The following SNX29 variants were observed in gnomAD, a reference collection of about 807,000 sequenced individuals.
The protein encoded by SNX29 is sorting nexin-29.
Under a neutral mutation model 102.1 loss-of-function variants are expected in SNX29, and 78 were observed. The observed-to-expected ratio is 0.76, with a 90% CI of 0.64 to 0.92. The LOEUF is 0.92. Ranked by LOEUF, SNX29 falls within the 40% of genes least tolerant of loss-of-function variation. The pLI is 0.00. For synonymous variants in SNX29, 580 were observed against 414.5 expected (o/e 1.40, Z -4.85); for missense variants, 1,280 against 1,061.7 (o/e 1.21, Z -2.86).
chr16:12,519,116 C>T (rs959040903), intron 19 of SNX29, among the ~76,000 whole-genome samples: 1 of 152,098 alleles, frequency 6.6e-6, no homozygotes, highest in Non-Finnish European at 1.5e-5. Context: ...GGCAGGGCTG[C>T]TCATTATTTA....
At chr16:12,391,244 C>A (rs978821414) in intron 16 of SNX29, among the ~76,000 whole-genome samples, 3 of 152,198 alleles carry the variant, frequency 2.0e-5, no homozygotes, top group Non-Finnish European at 4.4e-5. Context: ...CCATGCCCAG[C>A]CTTACAAATT....
chr16:12,296,005 A>G (rs1226235256), intron 15 of SNX29, among the ~76,000 whole-genome samples: 2 of 152,256 alleles, frequency 1.3e-5, no homozygotes, highest in South Asian at 2.1e-4. Flanking sequence ...AGTTCCTACT[A>G]TGTAATATGT....
intron 13 of SNX29, among the ~76,000 whole-genome samples, chr16:12,155,824 C>G (rs1186714873): frequency 1.3e-5 from 2 of 152,184 alleles, no homozygotes; most frequent in African/African-American, 4.8e-5. Context: ...GTTCCAGTGA[C>G]ACTGCTGCAA....
intron 4 of SNX29, among the ~76,000 whole-genome samples, chr16:12,035,672 T>C (rs1478859345): frequency 2.0e-5 from 3 of 152,198 alleles, no homozygotes; most frequent in Admixed American, 2.0e-4. Context: ...GCTGATACCA[T>C]GTGTGGCTGA....
At chr16:12,330,865 T>C (rs2081273483) in intron 15 of SNX29, among the ~76,000 whole-genome samples, 1 of 152,206 alleles carries the variant, frequency 6.6e-6, no homozygotes, top group Non-Finnish European at 1.5e-5. Context: ...AAGCTGGTCT[T>C]CCCTGCACTT....
intron 18 of SNX29, among the ~76,000 whole-genome samples, chr16:12,430,581 A>G (rs1397220598): frequency 3.3e-5 from 5 of 152,262 alleles, no homozygotes; most frequent in Admixed American, 2.6e-4. Context: ...ATCAAAGCTT[A>G]TAAAGTAGTT....
intron 16 of SNX29, among the ~76,000 whole-genome samples, chr16:12,390,149 G>GGTGGGTGTGT (rs1555526492): frequency 8.2e-5 from 12 of 145,588 alleles, no homozygotes; most frequent in African/African-American, 3.1e-4. Flanking sequence ...GCAATTGAGG[G>GGTGGGTGTGT]GTGTGTGTGT....
chr16:12,122,754 C>T (rs1490702523), intron 11 of SNX29, among the ~76,000 whole-genome samples: 1 of 152,100 alleles, frequency 6.6e-6, no homozygotes, highest in Non-Finnish European at 1.5e-5. Flanking sequence ...TAGATATAGC[C>T]TTATATTCAC....
chr16:12,419,339 A>G (rs1431740558), intron 18 of SNX29, among the ~76,000 whole-genome samples: 2 of 151,980 alleles, frequency 1.3e-5, no homozygotes, highest in East Asian at 3.9e-4. Flanking sequence ...TCCTGTTCCT[A>G]TTTAAGGCAG....
At chr16:12,095,185 A>G (rs1363852169) in intron 11 of SNX29, 1 of 152,224 alleles carries the variant, frequency 6.6e-6, no homozygotes, top group Non-Finnish European at 1.5e-5. Context: ...AAATTCATTC[A>G]GTTGATATTT....
intron 14 of SNX29, among the ~76,000 whole-genome samples, chr16:12,269,085 C>A (rs2079017573): frequency 6.6e-6 from 1 of 152,220 alleles, no homozygotes; most frequent in Non-Finnish European, 1.5e-5. Context: ...CTATATACTT[C>A]TACCAAACAC....
chr16:12,521,927 A>C (rs2090116491), intron 19 of SNX29, among the ~76,000 whole-genome samples: 1 of 152,128 alleles, frequency 6.6e-6, no homozygotes. Flanking sequence ...AGCTGGACTG[A>C]TGGTGACATT....
At chr16:12,116,980 AT>A (rs2053738530) in intron 11 of SNX29, among the ~76,000 whole-genome samples, 1 of 151,540 alleles carries the variant, frequency 6.6e-6, no homozygotes, top group Non-Finnish European at 1.5e-5. Context: ...TTCAATGCGG[AT>A]GAACCATGGA....
intron 18 of SNX29, among the ~76,000 whole-genome samples, chr16:12,453,666 C>G: frequency 6.6e-6 from 1 of 152,132 alleles, no homozygotes. Flanking sequence ...GAGGCATGAG[C>G]CACCTCGCTG....
In SNX29 at chr16:12,539,409, G is replaced by A. The variant is rs118040865; in HGVS notation, c.2318+14568G>A. ...TTTCAGCATGTGTGAGAACCGTCAA[G>A]TCGTTGGGTGAGTCAGCAGTGTTTT... On this transcript the variant is annotated intron_variant, in intron 20 of 20. Coordinates refer to ENST00000566228, the MANE Select transcript of SNX29 (RefSeq NM_032167.5). Among the ~76,000 whole-genome samples the A allele has an allele frequency of 6.2e-4, 95 of 152,288 alleles. 1 individual carries two copies. In the East Asian group the frequency reaches 0.017, roughly 28 times the overall value.
rs954784112 is a variant in SNX29, at chr16:12,317,201, C to A, written c.1783-38962C>A. ...GTTAACAATCCATGGGGCAGCTGCT[C>A]CAGTGCCCATGCATGGGCCTGTGAA... On this transcript the variant is annotated intron_variant, in intron 15 of 20. Transcript: ENST00000566228. Among the ~76,000 whole-genome samples the A allele has an allele frequency of 3.9e-5, 6 of 152,172 alleles. No homozygotes were observed. The East Asian group carries it at 1.2e-3, about 29-fold the overall frequency.
intron 14 of SNX29, among the ~76,000 whole-genome samples, chr16:12,260,997 T>G (rs9940325): frequency 0.056 from 7,943 of 141,936 alleles, 744 homozygotes; most frequent in African/African-American, 0.2. Context: ...GAGTGAGTGT[T>G]TGTTGAGCTC....
chr16:12,019,607 G>GATAT (rs1438977537), intron 3 of SNX29, among the ~76,000 whole-genome samples: 7 of 150,590 alleles, frequency 4.6e-5, no homozygotes, highest in Admixed American at 4.6e-4. Flanking sequence ...TAGATAGATA[G>GATAT]ATAGATAGAT....
chr16:12,108,834 TAATA>T (rs1412293729), intron 11 of SNX29, among the ~76,000 whole-genome samples: 1 of 151,898 alleles, frequency 6.6e-6, no homozygotes. Flanking sequence ...GTTGGGTAAT[TAATA>T]AAGAAAAGGA....
Sources: gnomAD v4.1 joint callset for allele counts (sites outside exome capture counted in the v4.1 genomes callset) on GRCh38, gnomAD v4.1.1 for gene constraint, MANE v1.5 for transcripts, NCBI Gene and HGNC (gene_info 2026-07-23, HGNC 2026-07-21) for gene names.